Variants in USP15 observed in about 807,000 individuals in gnomAD.
The protein encoded by USP15 is ubiquitin carboxyl-terminal hydrolase 15.
USP15 carries 18 observed loss-of-function variants against 127.1 expected under a neutral mutation model. The ratio of observed to expected loss-of-function variants is 0.14; its 90% CI spans 0.10 to 0.21. The LOEUF (loss-of-function observed/expected upper bound fraction) is 0.21, where lower values mean the gene tolerates loss of function less well. USP15 is among the 10% of genes least tolerant of loss of function. The pLI is 1.00. For missense variants in USP15, 805 were observed against 1,159.9 expected, an observed-to-expected ratio of 0.69 and a Z score of 4.44; for synonymous variants, 364 against 393.7, an observed-to-expected ratio of 0.92 and a Z score of 0.89.
chr12:62,379,201 C>CAAAAAAAA (rs59155021), intron 8 of USP15, among the ~76,000 whole-genome samples: 1 of 134,718 alleles, frequency 7.4e-6, no homozygotes. Flanking sequence ...TTAGTAAGGC[C>CAAAAAAAA]AAAAAAAAAA....
chr12:62,278,312 C>CT (rs974473741), intron 1 of USP15, among the ~76,000 whole-genome samples: 48 of 152,084 alleles, frequency 3.2e-4, no homozygotes, highest in African/African-American at 1.0e-3. Flanking sequence ...CTACAGCTAA[C>CT]TTTTTTTTAT....
chr12:62,377,330 A>G (rs2066861105), intron 8 of USP15, among the ~76,000 whole-genome samples: 1 of 152,240 alleles, frequency 6.6e-6, no homozygotes, highest in South Asian at 2.1e-4. Flanking sequence ...ATAATTGTCA[A>G]AAATGTTCAT....
intron 6 of USP15, among the ~76,000 whole-genome samples, chr12:62,344,330 G>T (rs1022343645): frequency 9.9e-5 from 15 of 152,188 alleles, no homozygotes; most frequent in Admixed American, 9.2e-4. Context: ...CCGAAATCCA[G>T]CAGGGCAGTC....
chr12:62,337,593 C>T (rs2065509969), intron 6 of USP15, among the ~76,000 whole-genome samples: 1 of 151,900 alleles, frequency 6.6e-6, no homozygotes, highest in Non-Finnish European at 1.5e-5. Flanking sequence ...TTAAGCCCCA[C>T]ATGCATTAGG....
At chr12:62,350,762 T>C (rs370679343) in intron 7 of USP15, among the ~76,000 whole-genome samples, 1 of 151,980 alleles carries the variant, frequency 6.6e-6, no homozygotes, top group East Asian at 1.9e-4. Flanking sequence ...GTACTTGGAT[T>C]ACAGCACACG....
chr12:62,352,814 G>C (rs183847364), intron 7 of USP15, among the ~76,000 whole-genome samples: 76 of 120,784 alleles, frequency 6.3e-4, no homozygotes, highest in African/African-American at 2.1e-3. Flanking sequence ...TTTATGGAAA[G>C]GTAAGGTTCA....
intron 2 of USP15, among the ~76,000 whole-genome samples, chr12:62,298,830 C>CAAAAAAAA (rs1163091790): frequency 9.2e-5 from 6 of 65,040 alleles, no homozygotes; most frequent in African/African-American, 1.2e-4. Flanking sequence ...CCCTGTCTTG[C>CAAAAAAAA]AAAAAAAAAA....
intron 8 of USP15, among the ~76,000 whole-genome samples, chr12:62,380,153 CATG>C (rs1220143532): frequency 1.3e-5 from 2 of 151,972 alleles, no homozygotes; most frequent in East Asian, 3.9e-4. Flanking sequence ...TCGTAAATTC[CATG>C]ATATTATAAC....
In USP15 at chr12:62,408,110, TATAAA is replaced by T. The variant is rs1411066327; in HGVS notation, c.*3740_*3744del. ...TAATTTGATTGAAGTGAGTTTATCT[TATAAA>T]ATAAGCCGGGAGACTGAAATGGAGT... On this transcript the variant is annotated 3_prime_UTR_variant, in exon 22 of 22. Coordinates refer to ENST00000280377, the MANE Select transcript of USP15 (RefSeq NM_001252078.2). The T allele has an allele frequency of 6.6e-6, 1 of 152,150 alleles. No homozygotes were observed. Among genetic ancestry groups the T allele is most frequent in the Non-Finnish European group, 1.5e-5 (1 of 68,044 alleles). 9.4% of individuals were successfully genotyped at this position (152,150 alleles called of 1,614,324 possible). A position where few individuals can be genotyped will look rare whatever the true frequency, so the allele number is the denominator to read the frequency against.
chr12:62,265,549 A>T lies in USP15; in HGVS notation c.89+5046A>T, dbSNP rs190255099. 2.3e-3 allele frequency among the ~76,000 whole-genome samples: 343 copies of T among 152,258 alleles called. 2 individuals carry two copies. The highest frequency in any genetic ancestry group is 0.017 in the Middle Eastern group (5 of 294). ...TACCACATTGCCTCTGATTTTATTT[A>T]AAAAAATTTTTTCTAGAGACAGAGT... On this transcript the variant is annotated intron_variant, in intron 1 of 21. Transcript: ENST00000280377.
chr12:62,399,913 AT>A, intron 20 of USP15, among the ~76,000 whole-genome samples: 1 of 152,204 alleles, frequency 6.6e-6, no homozygotes, highest in East Asian at 1.9e-4. Flanking sequence ...CTTTCAAAGT[AT>A]TGCCATTCCC....
Position 62,411,005 on chromosome 12 carries a change from C to A in USP15, c.*6630C>A, listed in dbSNP as rs1034663761. 2.6e-4 allele frequency: 40 copies of A among 152,070 alleles called. No homozygotes were observed. The highest frequency in any genetic ancestry group is 9.7e-4 in the African/African-American group (40 of 41,392). 9.4% of individuals were successfully genotyped at this position (152,070 alleles called of 1,614,324 possible). ...TCAACAGGCACCTTGGTTGCAACAC[C>A]ATGAAAGACCTTGATCCAGAGGTTC... On this transcript the variant is annotated 3_prime_UTR_variant, in exon 22 of 22. Transcript: ENST00000280377.
intron 6 of USP15, chr12:62,334,278 T>C (rs1030707833): frequency 1.3e-5 from 2 of 152,160 alleles, no homozygotes; most frequent in African/African-American, 4.8e-5. Flanking sequence ...TGTAATAAAG[T>C]TTAAAAATGG....
At chr12:62,308,994 G>C (rs554441746) in intron 3 of USP15, among the ~76,000 whole-genome samples, 2 of 152,214 alleles carry the variant, frequency 1.3e-5, no homozygotes, top group South Asian at 2.1e-4. Flanking sequence ...GAATTTTATA[G>C]CTTCAGTGCA....
At chr12:62,336,205 A>G (rs1249827998) in intron 6 of USP15, 3 of 985,278 alleles carry the variant, frequency 3.0e-6, no homozygotes, top group Admixed American at 1.2e-4. Flanking sequence ...CCCCAGCTCA[A>G]ACTGACACAA....
At position 62,333,224 on chromosome 12, in the gene USP15, T is replaced by C. The variant is rs978057382; in HGVS notation, c.683+7291T>C. Among the ~76,000 whole-genome samples, 5 of 152,174 alleles carry C rather than the reference T, an allele frequency of 3.3e-5. 1 individual carries two copies. Among genetic ancestry groups the C allele is most frequent in the African/African-American group, 1.2e-4 (5 of 41,436 alleles). ...CCAATCTTCAATTTGAAATGCAATC[T>C]GTGAACCATAAATCTAGAGTGATAC... On this transcript the variant is annotated intron_variant, in intron 6 of 21. Transcript: ENST00000280377.
At chr12:62,396,624 A>G (rs949887380) in intron 20 of USP15, among the ~76,000 whole-genome samples, 1 of 152,030 alleles carries the variant, frequency 6.6e-6, no homozygotes, top group South Asian at 2.1e-4. Context: ...CTAGTAGGGA[A>G]TGTTGTCCCA....
intron 1 of USP15, among the ~76,000 whole-genome samples, chr12:62,275,062 C>T (rs141062331): frequency 5.3e-5 from 8 of 152,052 alleles, no homozygotes; most frequent in Non-Finnish European, 8.8e-5. Flanking sequence ...TGTTATGGAG[C>T]GGGGAATATA....
Position 62,265,999 on chromosome 12 carries a change from T to C in USP15, c.89+5496T>C, listed in dbSNP as rs188650677. The stretch of plus-strand genomic sequence containing the variant: ...CTCTTGTGACTGTTCAGTTTAGATA[T>C]GATAGAACATGTAGGAAATCTTAAC... On this transcript the variant is annotated intron_variant, in intron 1 of 21. Transcript: ENST00000280377. 2.1e-3 allele frequency among the ~76,000 whole-genome samples: 321 copies of C among 152,340 alleles called. 1 individual carries two copies. In the South Asian group the frequency reaches 0.021, roughly 10 times the overall value.
Sources: gnomAD v4.1 joint callset for allele counts (sites outside exome capture counted in the v4.1 genomes callset) on GRCh38, gnomAD v4.1.1 for gene constraint, MANE v1.5 for transcripts, NCBI Gene and HGNC (gene_info 2026-07-23, HGNC 2026-07-21) for gene names.